KCNJ6: variants seen among roughly 807,000 people sequenced by gnomAD.
KCNJ6 encodes the protein G protein-activated inward rectifier potassium channel 2.
KCNJ6 carries 9 observed loss-of-function variants against 34.2 expected under a neutral mutation model. The ratio of observed to expected loss-of-function variants is 0.26; its 90% confidence interval spans 0.16 to 0.46. The LOEUF (loss-of-function observed/expected upper bound fraction) is 0.46, where lower values mean the gene tolerates loss of function less well. Among genes scored for constraint, KCNJ6 ranks in the 20% least tolerant of loss-of-function variants. KCNJ6 has a pLI of 1.00. For missense variants in KCNJ6, 236 were observed against 531.3 expected (o/e 0.44, Z 5.46); for synonymous variants, 196 against 207.1 (o/e 0.95, Z 0.46).
chr21:37,721,571 G>T (rs990076799), intron 2 of KCNJ6, among the ~76,000 whole-genome samples: 1 of 152,134 alleles, frequency 6.6e-6, no homozygotes, highest in Non-Finnish European at 1.5e-5. Flanking sequence ...TACATACAAT[G>T]GATTATTACT....
At chr21:37,781,191 T>C (rs969128085) in intron 2 of KCNJ6, among the ~76,000 whole-genome samples, 12 of 152,232 alleles carry the variant, frequency 7.9e-5, no homozygotes, top group African/African-American at 2.9e-4. Context: ...ATGTGAGTCA[T>C]GACGGAAGCT....
chr21:37,894,595 C>T (rs1265400639), intron 1 of KCNJ6, among the ~76,000 whole-genome samples: 3 of 151,906 alleles, frequency 2.0e-5, no homozygotes, highest in Non-Finnish European at 4.4e-5. Context: ...ACCCGGGAGG[C>T]GGAGGTTGCA....
intron 3 of KCNJ6, among the ~76,000 whole-genome samples, chr21:37,692,410 G>C (rs1001333408): frequency 6.6e-6 from 1 of 152,062 alleles, no homozygotes; most frequent in African/African-American, 2.4e-5. Flanking sequence ...AAAGTAGACA[G>C]AAGAATCAAT....
chr21:37,720,246 T>C (rs2054818085), intron 2 of KCNJ6, among the ~76,000 whole-genome samples: 1 of 151,804 alleles, frequency 6.6e-6, no homozygotes, highest in Admixed American at 6.6e-5. Flanking sequence ...ATTTAAGAAA[T>C]GTATCACACA....
chr21:37,906,806 G>T (rs2055843944), intron 1 of KCNJ6, among the ~76,000 whole-genome samples: 1 of 152,178 alleles, frequency 6.6e-6, no homozygotes, highest in South Asian at 2.1e-4. Context: ...AATGTCATAG[G>T]TTCTTTATTT....
intron 2 of KCNJ6, among the ~76,000 whole-genome samples, chr21:37,822,054 T>G (rs1214322473): frequency 2.6e-5 from 4 of 152,206 alleles, no homozygotes; most frequent in African/African-American, 7.2e-5. Flanking sequence ...AAAATAAGTA[T>G]TTCTCACACT....
intron 1 of KCNJ6, among the ~76,000 whole-genome samples, chr21:37,900,739 C>T (rs928091460): frequency 6.6e-6 from 1 of 152,098 alleles, no homozygotes; most frequent in African/African-American, 2.4e-5. Context: ...GAGGCCTGGA[C>T]ATATGGAGCA....
intron 1 of KCNJ6, among the ~76,000 whole-genome samples, chr21:37,904,869 A>G (rs2055833827): frequency 6.6e-6 from 1 of 152,230 alleles, no homozygotes; most frequent in African/African-American, 2.4e-5. Flanking sequence ...CAAGTTTCCC[A>G]TTCACAGCAA....
chr21:37,839,290 G>A (rs1046556431), intron 2 of KCNJ6, among the ~76,000 whole-genome samples: 2 of 152,212 alleles, frequency 1.3e-5, no homozygotes, highest in Non-Finnish European at 2.9e-5. Context: ...AAGAGCAGGG[G>A]AGAGGGGTGT....
intron 1 of KCNJ6, among the ~76,000 whole-genome samples, chr21:37,898,684 C>A (rs1157916376): frequency 6.6e-6 from 1 of 152,164 alleles, no homozygotes; most frequent in Non-Finnish European, 1.5e-5. Flanking sequence ...GGTGGAGTTG[C>A]AGACCAGGCT....
intron 3 of KCNJ6, among the ~76,000 whole-genome samples, chr21:37,678,622 G>C (rs1367219913): frequency 6.6e-6 from 1 of 152,198 alleles, no homozygotes; most frequent in Non-Finnish European, 1.5e-5. Flanking sequence ...ATGGATTGAT[G>C]AATGTATGGG....
At chr21:37,660,839 C>T (rs993816014) in intron 3 of KCNJ6, among the ~76,000 whole-genome samples, 2 of 152,204 alleles carry the variant, frequency 1.3e-5, no homozygotes, top group African/African-American at 4.8e-5. Flanking sequence ...GCCTGTCTCC[C>T]ATCGGTGTCC....
At chr21:37,772,127 T>C (rs542180401) in intron 2 of KCNJ6, among the ~76,000 whole-genome samples, 7 of 152,328 alleles carry the variant, frequency 4.6e-5, no homozygotes, top group African/African-American at 1.7e-4. Context: ...AATTAGACAA[T>C]GGTCCTACTT....
chr21:37,715,070 C>T lies in KCNJ6; in HGVS notation c.87G>A (p.Gln29=), dbSNP rs2054782887. The change falls in exon 3 of 4, where the codon CAG becomes CAA. Residue 29 remains glutamine, a synonymous_variant. Transcript: ENST00000609713. ...QDVESPVAIH[Q]PKLPKQARDD... is the part of the protein sequence containing the mutation. ...CCCTGGCCTGCTTAGGCAACTTTGG[C>T]TGGTGAATGGCCACTGGGCTTTCGA... 9.3e-6 allele frequency: 15 copies of T among 1,614,186 alleles called. No individual in the cohort carries two copies. Among genetic ancestry groups the T allele is most frequent in the Non-Finnish European group, 1.1e-5 (13 of 1,180,038 alleles).
rs1052786067 is a variant in KCNJ6 at position 37,876,714 on chromosome 21, A to C, written c.-27-36005T>G. Among the ~76,000 whole-genome samples, 14 of 147,342 alleles carry C rather than the reference A, an allele frequency of 9.5e-5. 1 individual carries two copies. Among genetic ancestry groups the C allele is most frequent in the Non-Finnish European group, 1.5e-4 (10 of 67,534 alleles). On this transcript the variant is annotated intron_variant, in intron 1 of 3. Transcript: ENST00000609713. ...GAGTTGAACAAACAGGCTCACTATG[A>C]AACATACGTGGGTGGATCCATGTAG...
chr21:37,757,887 G>C lies in KCNJ6; in HGVS notation c.26-42756C>G, dbSNP rs971078906. On this transcript the variant is annotated intron_variant, in intron 2 of 3. Transcript: ENST00000609713. ...CCACAAAATGCTTTCCTTAGCAAAT[G>C]ATTCCTAATTAATACAACAACAGAA... Among the ~76,000 whole-genome samples, 6 of 152,272 alleles carry C rather than the reference G, an allele frequency of 3.9e-5. No homozygotes were observed. In the South Asian group the frequency reaches 1.2e-3, roughly 32 times the overall value.
intron 2 of KCNJ6, among the ~76,000 whole-genome samples, chr21:37,821,464 T>C (rs1452040555): frequency 6.6e-6 from 1 of 152,194 alleles, no homozygotes; most frequent in Non-Finnish European, 1.5e-5. Flanking sequence ...CGTGTCATGG[T>C]GGTTTGCTGC....
intron 3 of KCNJ6, among the ~76,000 whole-genome samples, chr21:37,670,682 T>C (rs996019044): frequency 2.0e-5 from 3 of 152,166 alleles, no homozygotes; most frequent in African/African-American, 7.2e-5. Context: ...GGAGAATTAC[T>C]TGAGCCTGGG....
chr21:37,794,913 G>GA (rs150657805), intron 2 of KCNJ6, among the ~76,000 whole-genome samples: 3,445 of 149,486 alleles, frequency 0.023, 128 homozygotes, highest in African/African-American at 0.077. Context: ...AATAGAAAAA[G>GA]AAAAAAAAAA....
Sources: gnomAD v4.1 joint callset for allele counts (sites outside exome capture counted in the v4.1 genomes callset) on GRCh38, gnomAD v4.1.1 for gene constraint, MANE v1.5 for transcripts, NCBI Gene and HGNC (gene_info 2026-07-23, HGNC 2026-07-21) for gene names.